Variants in SUSD1 observed in about 807,000 individuals in gnomAD.
The protein encoded by SUSD1 is sushi domain-containing protein 1.
A neutral mutation model predicts 86.9 loss-of-function variants in SUSD1; 65 were observed. That is an observed-to-expected ratio of 0.75 (90% confidence interval 0.61 to 0.92). The LOEUF is 0.92. SUSD1 is among the 40% of genes least tolerant of loss of function. The probability of loss-of-function intolerance (pLI) is 0.00; values close to 1 mark genes in which losing one functional copy is unlikely to be tolerated. For synonymous variants in SUSD1, 346 were observed against 350.0 expected (o/e 0.99, Z 0.13); for missense variants, 850 against 929.7 (o/e 0.91, Z 1.11).
chr9:112,120,209 A>C (rs1182691568), intron 6 of SUSD1, among the ~76,000 whole-genome samples: 1 of 152,140 alleles, frequency 6.6e-6, no homozygotes, highest in East Asian at 1.9e-4. Context: ...TGGGAGGCTG[A>C]GGCAGAAGGA....
rs34987440 is a variant in SUSD1 at position 112,161,379 on chromosome 9, C to CAA, written c.104-3768_104-3767dup. On this transcript the variant is annotated intron_variant, in intron 1 of 16. Coordinates refer to ENST00000374270, the MANE Select transcript of SUSD1 (RefSeq NM_022486.5). Reference sequence around the variant, plus strand: ...TGGGTGACAAAGTAAGACTTCATCTCAAAAAAAAAAAAAATTCATAATGAC... The same window carrying CAA: ...TGGGTGACAAAGTAAGACTTCATCTCAAAAAAAAAAAAAAAATTCATAATGAC... Among the ~76,000 whole-genome samples the CAA allele has an allele frequency of 4.2e-3, 582 of 139,392 alleles. 4 individuals carry two copies. Among genetic ancestry groups the CAA allele is most frequent in the African/African-American group, 0.012 (475 of 38,584 alleles). The allele number at this position is 139,392 out of a possible 152,430, so 91.4% of individuals were successfully genotyped here. A position where few individuals can be genotyped will look rare whatever the true frequency, so the allele number is the denominator to read the frequency against.
At chr9:112,127,306 G>C (rs1564318618) in intron 5 of SUSD1, among the ~76,000 whole-genome samples, 1 of 152,194 alleles carries the variant, frequency 6.6e-6, no homozygotes, top group African/African-American at 2.4e-5. Context: ...CCATGAGGCA[G>C]AGGTTGCAGT....
chr9:112,173,775 C>T (rs1441320920), intron 1 of SUSD1: 4 of 319,714 alleles, frequency 1.3e-5, no homozygotes, highest in Admixed American at 9.6e-5. Context: ...AGCACGTGCA[C>T]TCATGGCCTT....
intron 5 of SUSD1, among the ~76,000 whole-genome samples, chr9:112,138,656 G>T (rs763798430): frequency 7.2e-5 from 11 of 151,984 alleles, no homozygotes; most frequent in Non-Finnish European, 1.6e-4. Context: ...CACCATGCTG[G>T]CTAGGCTGGT....
intron 1 of SUSD1, among the ~76,000 whole-genome samples, chr9:112,167,254 G>A (rs1371360024): frequency 6.6e-6 from 1 of 152,002 alleles, no homozygotes; most frequent in Admixed American, 6.6e-5. Context: ...GCACCACCAT[G>A]CCCAGATAAT....
intron 9 of SUSD1, among the ~76,000 whole-genome samples, chr9:112,099,529 C>T (rs942869357): frequency 1.3e-5 from 2 of 152,166 alleles, no homozygotes; most frequent in Admixed American, 1.3e-4. Flanking sequence ...TCCTATTAGA[C>T]CTCTGGTAAA....
At chr9:112,053,875 A>T (rs1218874755) in intron 14 of SUSD1, among the ~76,000 whole-genome samples, 1 of 152,262 alleles carries the variant, frequency 6.6e-6, no homozygotes, top group Non-Finnish European at 1.5e-5. Flanking sequence ...TAGAAAAGTG[A>T]TGTTCAGGCA....
intron 10 of SUSD1, among the ~76,000 whole-genome samples, chr9:112,097,912 A>C (rs12350562): frequency 0.036 from 5,487 of 152,316 alleles, 331 homozygotes; most frequent in African/African-American, 0.12. Context: ...GCTGCACCAC[A>C]GCCATCCCAC....
chr9:112,130,064 C>A (rs1435378321), intron 5 of SUSD1, among the ~76,000 whole-genome samples: 1 of 152,056 alleles, frequency 6.6e-6, no homozygotes, highest in African/African-American at 2.4e-5. Context: ...GTTGTTCAGG[C>A]CTCAGTAATT....
chr9:112,127,421 C>T (rs561141378), intron 5 of SUSD1, among the ~76,000 whole-genome samples: 17 of 152,154 alleles, frequency 1.1e-4, no homozygotes, highest in Non-Finnish European at 1.8e-4. Flanking sequence ...CTATAGTCCC[C>T]GTGCCTCCCA....
At position 112,058,460 on chromosome 9, in the gene SUSD1, T is replaced by G. The variant is rs748017539; in HGVS notation, c.2077A>C (p.Ile693Leu). The change falls in exon 14 of 17, where the codon ATT (isoleucine) becomes CTT (leucine). Residue 693 changes from isoleucine (I) to leucine (L), a missense_variant. Physicochemically the swap from Ile to Leu is conservative, Grantham distance 5. Coordinates refer to ENST00000374270, the MANE Select transcript of SUSD1 (RefSeq NM_022486.5). ...APLKRGSDYC[I>L]ILRITSEWNK... ...CATTCACTTGTGATTCGTAATATAA[T>G]GCAGTAATCACTCCCTCTTTTCAAG... 3 of 1,614,166 alleles carry G rather than the reference T, an allele frequency of 1.9e-6. No individual in the cohort carries two copies. The South Asian group carries it at 3.3e-5, about 18-fold the overall frequency.
intron 1 of SUSD1, among the ~76,000 whole-genome samples, chr9:112,160,288 A>G (rs1286252820): frequency 6.6e-6 from 1 of 152,242 alleles, no homozygotes; most frequent in Non-Finnish European, 1.5e-5. Flanking sequence ...TCACGCCTGT[A>G]ATCTCAGCAC....
chr9:112,072,663 C>T (rs1829334325), intron 12 of SUSD1, among the ~76,000 whole-genome samples: 1 of 152,154 alleles, frequency 6.6e-6, no homozygotes, highest in African/African-American at 2.4e-5. Flanking sequence ...CCCACACAGC[C>T]ATTTACTTGG....
At chr9:112,088,595 T>C (rs904284327) in intron 10 of SUSD1, among the ~76,000 whole-genome samples, 2 of 152,066 alleles carry the variant, frequency 1.3e-5, no homozygotes, top group African/African-American at 4.8e-5. Context: ...AGGACTAGCC[T>C]GGGCAATATA....
At chr9:112,138,903 A>T (rs1169355764) in intron 5 of SUSD1, among the ~76,000 whole-genome samples, 1 of 152,252 alleles carries the variant, frequency 6.6e-6, no homozygotes, top group Admixed American at 6.5e-5. Flanking sequence ...AGTTATAAAC[A>T]AATATAACCA....
At chr9:112,083,470 C>T (rs867669408) in intron 10 of SUSD1, among the ~76,000 whole-genome samples, 20 of 152,278 alleles carry the variant, frequency 1.3e-4, no homozygotes, top group East Asian at 3.9e-4. Context: ...TCAAGTGATC[C>T]GCCCACCTTG....
At chr9:112,057,520 T>A (rs913964179) in intron 14 of SUSD1, among the ~76,000 whole-genome samples, 5 of 152,240 alleles carry the variant, frequency 3.3e-5, no homozygotes, top group African/African-American at 9.6e-5. Context: ...GCAATATATT[T>A]CTGGGCTTTA....
In SUSD1 at chr9:112,157,503, C is replaced by T; in HGVS notation, c.214G>A (p.Val72Ile). The change falls in exon 2 of 17, where the codon GTT becomes ATT. Residue 72 changes from valine to isoleucine, a missense_variant. By Grantham distance (29) the Val-to-Ile change is conservative (BLOSUM62 3). Coordinates refer to ENST00000374270, the MANE Select transcript of SUSD1 (RefSeq NM_022486.5). Reference sequence around the variant, plus strand: ...TAACCCAGAGTTCAGAACTTACCAACACACTGAGTCCTCCCGTTCCCTACA... The same window carrying T: ...TAACCCAGAGTTCAGAACTTACCAATACACTGAGTCCTCCCGTTCCCTACA... ...GFVGNGRTQC[V>I]DKNECQFGAT... 1.9e-6 allele frequency: 3 copies of T among 1,611,208 alleles called. No homozygotes were observed. Among genetic ancestry groups the T allele is most frequent in the Middle Eastern group, 1.7e-4 (1 of 6,054 alleles).
chr9:112,151,086 G>T (rs1336586129), intron 2 of SUSD1, among the ~76,000 whole-genome samples: 1 of 152,166 alleles, frequency 6.6e-6, no homozygotes, highest in Non-Finnish European at 1.5e-5. Context: ...AGCACTACAG[G>T]CACAAGCCAT....
Sources: gnomAD v4.1 joint callset for allele counts (sites outside exome capture counted in the v4.1 genomes callset) on GRCh38, gnomAD v4.1.1 for gene constraint, MANE v1.5 for transcripts, NCBI Gene and HGNC (gene_info 2026-07-23, HGNC 2026-07-21) for gene names.